EXOC6B: variants seen among roughly 807,000 people sequenced by gnomAD.
EXOC6B encodes exocyst complex component 6B, also known as SEC15 homolog B.
Under a neutral mutation model 113.5 loss-of-function variants are expected in EXOC6B, and 54 were observed. The ratio of observed to expected loss-of-function variants is 0.48; its 90% confidence interval spans 0.38 to 0.60. The LOEUF is 0.60. Among genes scored for constraint, EXOC6B ranks in the 20% least tolerant of loss-of-function variants. The pLI is 0.00. For missense variants in EXOC6B, 797 were observed against 977.5 expected, an observed-to-expected ratio of 0.82 and a Z score of 2.46; for synonymous variants, 357 against 339.0, an observed-to-expected ratio of 1.05 and a Z score of -0.58.
At chr2:72,635,223 ATCAAT>A (rs1230229314) in intron 6 of EXOC6B, among the ~76,000 whole-genome samples, 5 of 152,128 alleles carry the variant, frequency 3.3e-5, no homozygotes, top group Admixed American at 3.3e-4. Context: ...AAAAACACAA[ATCAAT>A]TAAATTGAGA....
chr2:72,266,730 T>C (rs1180042868), intron 20 of EXOC6B, among the ~76,000 whole-genome samples: 2 of 152,152 alleles, frequency 1.3e-5, no homozygotes, highest in Non-Finnish European at 2.9e-5. Context: ...ATTGACTTGG[T>C]GATGCGGGCT....
chr2:72,282,142 A>G (rs1175842311), intron 20 of EXOC6B, among the ~76,000 whole-genome samples: 1 of 152,156 alleles, frequency 6.6e-6, no homozygotes, highest in Admixed American at 6.6e-5. Context: ...GGCCTACACT[A>G]AAATAAATAT....
At chr2:72,468,809 T>C (rs1165246733) in intron 17 of EXOC6B, among the ~76,000 whole-genome samples, 3 of 152,218 alleles carry the variant, frequency 2.0e-5, no homozygotes, top group Non-Finnish European at 2.9e-5. Context: ...TTTTCTTCAA[T>C]GTTTTGTAGT....
intron 18 of EXOC6B, among the ~76,000 whole-genome samples, chr2:72,444,799 C>G (rs1474289204): frequency 6.6e-6 from 1 of 152,130 alleles, no homozygotes; most frequent in Non-Finnish European, 1.5e-5. Context: ...GGACCTTGGG[C>G]CCAGCACATG....
intron 6 of EXOC6B, among the ~76,000 whole-genome samples, chr2:72,591,281 G>C (rs1007196689): frequency 6.6e-6 from 1 of 152,056 alleles, no homozygotes; most frequent in Non-Finnish European, 1.5e-5. Flanking sequence ...ATTGTTCTGT[G>C]ATTGTCACTG....
At chr2:72,305,362 A>ATATGTATATGTG in intron 20 of EXOC6B, among the ~76,000 whole-genome samples, 1 of 149,000 alleles carries the variant, frequency 6.7e-6, no homozygotes, top group Non-Finnish European at 1.5e-5. Context: ...ATGTATATGT[A>ATATGTATATGTG]TATGTATATG....
At chr2:72,527,996 A>G (rs1701819499) in intron 8 of EXOC6B, among the ~76,000 whole-genome samples, 1 of 151,980 alleles carries the variant, frequency 6.6e-6, no homozygotes, top group African/African-American at 2.4e-5. Flanking sequence ...ACTCCACTGT[A>G]TCTTTTACCC....
chr2:72,649,717 C>T (rs1458547068), intron 6 of EXOC6B, among the ~76,000 whole-genome samples: 1 of 152,106 alleles, frequency 6.6e-6, no homozygotes, highest in Non-Finnish European at 1.5e-5. Context: ...CGTGAAGGGA[C>T]ACACACATAA....
chr2:72,578,515 C>T (rs1054535565), intron 6 of EXOC6B, among the ~76,000 whole-genome samples: 3 of 152,032 alleles, frequency 2.0e-5, no homozygotes, highest in African/African-American at 7.2e-5. Flanking sequence ...TCCTACAAAA[C>T]CCAAGTACAA....
intron 6 of EXOC6B, among the ~76,000 whole-genome samples, chr2:72,610,553 C>T (rs1671015740): frequency 2.0e-5 from 3 of 152,064 alleles, no homozygotes; most frequent in Admixed American, 2.0e-4. Flanking sequence ...AAAGAACTCC[C>T]AATCTGAGCA....
chr2:72,270,149 G>A (rs1441818345), intron 20 of EXOC6B, among the ~76,000 whole-genome samples: 2 of 152,060 alleles, frequency 1.3e-5, no homozygotes, highest in Non-Finnish European at 2.9e-5. Context: ...TGGCAACTCT[G>A]GACGACTGCT....
chr2:72,656,370 A>C (rs1432718640), intron 6 of EXOC6B, among the ~76,000 whole-genome samples: 1 of 152,116 alleles, frequency 6.6e-6, no homozygotes, highest in East Asian at 1.9e-4. Context: ...ATATTGTAAG[A>C]AAATAAAGGA....
chr2:72,227,990 G>C (rs777701962), intron 20 of EXOC6B, among the ~76,000 whole-genome samples: 7 of 152,110 alleles, frequency 4.6e-5, no homozygotes, highest in Non-Finnish European at 1.0e-4. Flanking sequence ...TGATATGAAA[G>C]GGCAAGGAAT....
chr2:72,682,980 A>G (rs773368331), intron 6 of EXOC6B, among the ~76,000 whole-genome samples: 39 of 152,114 alleles, frequency 2.6e-4, no homozygotes, highest in Non-Finnish European at 4.3e-4. Flanking sequence ...TCTATTCCTA[A>G]CTCCAACTAA....
At chr2:72,798,857 A>G (rs1685123281) in intron 1 of EXOC6B, among the ~76,000 whole-genome samples, 1 of 152,282 alleles carries the variant, frequency 6.6e-6, no homozygotes, top group Admixed American at 6.5e-5. Context: ...AACAACAACA[A>G]TAAAAACCCT....
At chr2:72,748,402 A>G (rs1681832773) in intron 1 of EXOC6B, among the ~76,000 whole-genome samples, 1 of 152,070 alleles carries the variant, frequency 6.6e-6, no homozygotes, top group Non-Finnish European at 1.5e-5. Flanking sequence ...CAGGAGGTCA[A>G]AAGGAGTTTA....
At chr2:72,610,609 T>C (rs1018991533) in intron 6 of EXOC6B, among the ~76,000 whole-genome samples, 6 of 152,126 alleles carry the variant, frequency 3.9e-5, no homozygotes, top group African/African-American at 1.4e-4. Context: ...AAGTATAAGA[T>C]ATTAGTGGGT....
At chr2:72,259,133 C>G (rs1683545022) in intron 20 of EXOC6B, among the ~76,000 whole-genome samples, 1 of 152,146 alleles carries the variant, frequency 6.6e-6, no homozygotes, top group Non-Finnish European at 1.5e-5. Flanking sequence ...ACTGATATAA[C>G]CCAAACTCCT....
At chr2:72,540,128 T>C (rs181527281) in intron 8 of EXOC6B, among the ~76,000 whole-genome samples, 323 of 152,114 alleles carry the variant, frequency 2.1e-3, no homozygotes, top group Non-Finnish European at 3.3e-3. Context: ...CATGAACTCA[T>C]CATTTTTTAT....
Sources: gnomAD v4.1 joint callset for allele counts (sites outside exome capture counted in the v4.1 genomes callset) on GRCh38, gnomAD v4.1.1 for gene constraint, MANE v1.5 for transcripts, NCBI Gene and HGNC (gene_info 2026-07-23, HGNC 2026-07-21) for gene names.